The following BPTF variants were observed in gnomAD, a reference collection of about 807,000 sequenced individuals.
BPTF encodes the protein bromodomain PHD finger transcription factor.
Under a neutral mutation model 292.5 loss-of-function variants are expected in BPTF, and 18 were observed. That is an observed-to-expected ratio of 0.06 (90% confidence interval 0.04 to 0.09). BPTF has a LOEUF of 0.09. BPTF is among the 10% of genes least tolerant of loss of function. The pLI is 1.00. For missense variants in BPTF, 2,726 were observed against 3,498.7 expected (o/e 0.78, Z 5.57); for synonymous variants, 1,225 against 1,251.9 (o/e 0.98, Z 0.45).
intron 1 of BPTF, among the ~76,000 whole-genome samples, chr17:67,844,068 GC>G (rs2057814384): frequency 9.5e-6 from 1 of 104,794 alleles, no homozygotes; most frequent in African/African-American, 5.0e-5. Flanking sequence ...CCCGGCCCCC[GC>G]CTTTTTTTTT....
chr17:67,939,048 CAGT>C lies in BPTF; in HGVS notation c.6260-1387_6260-1385del, dbSNP rs1202304824. Among the ~76,000 whole-genome samples the C allele has an allele frequency of 5.3e-4, 80 of 152,128 alleles. 1 individual carries two copies. Among genetic ancestry groups the C allele is most frequent in the Non-Finnish European group, 9.1e-4 (62 of 68,020 alleles). On this transcript the variant is annotated intron_variant, in intron 18 of 27. Coordinates refer to ENST00000306378, the MANE Select transcript of BPTF (RefSeq NM_182641.4). ...CAGTGAAATAGGCACACAGAGCTGG[CAGT>C]AGTGTGAATTGGAATAACCTTTCAA...
Position 67,874,882 on chromosome 17 carries a change from A to G in BPTF, c.1726A>G (p.Thr576Ala), listed in dbSNP as rs1353337567. 1 of 1,613,876 alleles carries G rather than the reference A, an allele frequency of 6.2e-7. No homozygotes were observed. The highest frequency in any genetic ancestry group is 1.7e-4 in the Middle Eastern group (1 of 6,058). ...DIDNVKSPEE[T>A]EKDKNETEND... ...TGATAATGTTAAAAGCCCAGAAGAAACAGAAAAAGACAAGAATGAGACTGA... is the reference window on the plus strand; with the variant it reads ...TGATAATGTTAAAAGCCCAGAAGAAGCAGAAAAAGACAAGAATGAGACTGA... The change falls in exon 4 of 28, where the codon ACA (threonine) becomes GCA (alanine). Residue 576 changes from threonine to alanine, a missense_variant. This residue lies in a region of BPTF where 187 missense variants were observed against 201.5 expected (regional missense o/e 0.93). Transcript: ENST00000306378.
chr17:67,889,449 A>G (rs1025866511), intron 4 of BPTF, among the ~76,000 whole-genome samples: 8 of 152,176 alleles, frequency 5.3e-5, no homozygotes, highest in Admixed American at 3.3e-4. Context: ...AAAAGTATCT[A>G]TTACAGGACT....
chr17:67,914,815 G>C (rs1490399722), intron 11 of BPTF, among the ~76,000 whole-genome samples: 1 of 152,110 alleles, frequency 6.6e-6, no homozygotes, highest in African/African-American at 2.4e-5. Context: ...CTATGGTACA[G>C]TTTATATTAC....
chr17:67,948,435 G>A lies in BPTF; in HGVS notation c.7926+129G>A. ...TAGAACTTACATTTGTGTACATAGA[G>A]TAAAAAGCAGTGCAGCGTGTGTGTC... is the stretch of plus-strand genomic sequence containing the variant. On this transcript the variant is annotated intron_variant, in intron 23 of 27. Coordinates refer to ENST00000306378, the MANE Select transcript of BPTF (RefSeq NM_182641.4). 6.0e-6 allele frequency: 5 copies of A among 827,904 alleles called. No individual in the cohort carries two copies. In the East Asian group the frequency reaches 8.0e-5, roughly 13 times the overall value. The allele number at this position is 827,904 out of a possible 1,614,324, so 51.3% of individuals were successfully genotyped here.
chr17:67,843,628 A>G (rs1340800788), intron 1 of BPTF, among the ~76,000 whole-genome samples: 1 of 149,770 alleles, frequency 6.7e-6, no homozygotes, highest in East Asian at 1.9e-4. Context: ...ATATATCTAG[A>G]TATATATACA....
At chr17:67,954,244 G>A (rs2066711962) in intron 23 of BPTF, among the ~76,000 whole-genome samples, 2 of 151,796 alleles carry the variant, frequency 1.3e-5, no homozygotes, top group African/African-American at 4.8e-5. Flanking sequence ...GCCCAGGCTG[G>A]TCTCAGAATC....
rs887548903 is a variant in BPTF, at chr17:67,969,409, G to A, written c.8539+2753G>A. Among the ~76,000 whole-genome samples, 38 of 133,252 alleles carry A rather than the reference G, an allele frequency of 2.9e-4. 2 individuals are homozygous for A. The highest frequency in any genetic ancestry group is 1.0e-3 in the African/African-American group (34 of 33,648). 87.4% of individuals were successfully genotyped at this position (133,252 alleles called of 152,430 possible). A position where few individuals can be genotyped will look rare whatever the true frequency, so the allele number is the denominator to read the frequency against. On this transcript the variant is annotated intron_variant, in intron 26 of 27. Transcript: ENST00000306378. ...AGAGGTTGCTGTGAGACAAGATCGC[G>A]CCACTGCACTCCAGCCTGGGCAACA... is the stretch of plus-strand genomic sequence containing the variant.
chr17:67,944,213 T>C lies in BPTF; in HGVS notation c.6541T>C (p.Leu2181=), dbSNP rs782168201. The C allele has an allele frequency of 1.1e-5, 18 of 1,614,112 alleles. No homozygotes were observed. In the Admixed American group the frequency reaches 2.3e-4, roughly 21 times the overall value. The change falls in exon 20 of 28, where the codon TTG becomes CTG. Residue 2181 remains leucine, a synonymous_variant. Coordinates refer to ENST00000306378, the MANE Select transcript of BPTF (RefSeq NM_182641.4). ...GQGQTTGQLQ[L]IPQGVTVLPG... Reference sequence around the variant, plus strand: ...AGGTCAAACTACTGGACAGTTGCAGTTGATACCTCAAGGGGTGACTGTACT... The same window carrying C: ...AGGTCAAACTACTGGACAGTTGCAGCTGATACCTCAAGGGGTGACTGTACT...
chr17:67,896,456 G>A (rs139012703), intron 7 of BPTF, among the ~76,000 whole-genome samples: 6,073 of 69,348 alleles, frequency 0.088, 159 homozygotes, highest in South Asian at 0.32. Flanking sequence ...CGGGTAATGA[G>A]TAACTAGAAA....
chr17:67,925,076 G>C (rs1045130092), intron 15 of BPTF, among the ~76,000 whole-genome samples: 1 of 134,800 alleles, frequency 7.4e-6, no homozygotes, highest in African/African-American at 2.9e-5. Flanking sequence ...TTTTTTTTAA[G>C]TGTATCTCAC....
At chr17:67,971,204 G>A (rs2068721897) in intron 26 of BPTF, among the ~76,000 whole-genome samples, 2 of 152,158 alleles carry the variant, frequency 1.3e-5, no homozygotes, top group African/African-American at 4.8e-5. Flanking sequence ...TCAGCCTTCT[G>A]AGTATCTGGG....
At chr17:67,921,040 CTACAAAACA>C (rs2063397102) in intron 13 of BPTF, among the ~76,000 whole-genome samples, 1 of 151,332 alleles carries the variant, frequency 6.6e-6, no homozygotes, top group Non-Finnish European at 1.5e-5. Flanking sequence ...AACCCTATCC[CTACAAAACA>C]TACAAAAATT....
chr17:67,872,007 G>A (rs891312199), intron 3 of BPTF, among the ~76,000 whole-genome samples: 3 of 151,874 alleles, frequency 2.0e-5, no homozygotes, highest in Non-Finnish European at 4.4e-5. Context: ...TGTATTTTAG[G>A]TAGAGACGGG....
chr17:67,885,015 A>G (rs978056632), intron 4 of BPTF, among the ~76,000 whole-genome samples: 2 of 151,944 alleles, frequency 1.3e-5, no homozygotes, highest in Non-Finnish European at 2.9e-5. Flanking sequence ...CTTTTCTTTT[A>G]TGACTGTTCA....
intron 26 of BPTF, among the ~76,000 whole-genome samples, chr17:67,971,764 G>T (rs111904805): frequency 6.8e-6 from 1 of 147,644 alleles, no homozygotes; most frequent in South Asian, 2.1e-4. Flanking sequence ...AGATCGTTGC[G>T]TTGCAGTGAT....
chr17:67,869,732 C>T (rs2059594599), intron 3 of BPTF, among the ~76,000 whole-genome samples: 1 of 151,076 alleles, frequency 6.6e-6, no homozygotes, highest in Admixed American at 6.6e-5. Context: ...GCCTGTAATC[C>T]CAGCATTTTG....
At chr17:67,850,376 G>A (rs1473871133) in intron 1 of BPTF, among the ~76,000 whole-genome samples, 3 of 151,940 alleles carry the variant, frequency 2.0e-5, no homozygotes, top group Non-Finnish European at 4.4e-5. Flanking sequence ...GTTTTTGTTT[G>A]TTTGTTTGTT....
intron 12 of BPTF, among the ~76,000 whole-genome samples, 190 bp downstream of exon 12, chr17:67,919,028 T>C (rs549681221): frequency 1.5e-4 from 23 of 151,254 alleles, no homozygotes; most frequent in African/African-American, 5.1e-4. Flanking sequence ...AAAAATTACC[T>C]GGGCGTGGTG....
Sources: allele counts gnomAD v4.1 joint callset (sites outside exome capture counted in the v4.1 genomes callset), GRCh38; gene constraint gnomAD v4.1.1; regional missense constraint gnomAD v4.1.1; transcripts MANE v1.5; gene names NCBI Gene and HGNC (gene_info 2026-07-23, HGNC 2026-07-21).